The following DNM2 variants were observed in gnomAD, a reference collection of about 807,000 sequenced individuals.
DNM2 encodes the protein dynamin-2.
DNM2 carries 15 observed loss-of-function variants against 99.0 expected under a neutral mutation model. That is an observed-to-expected ratio of 0.15 (90% CI 0.10 to 0.23). The LOEUF is 0.23. DNM2 is among the 10% of genes least tolerant of loss of function. DNM2 has a pLI of 1.00. For synonymous variants in DNM2, 525 were observed against 481.2 expected (o/e 1.09, Z -1.19); for missense variants, 742 against 1,189.4 (o/e 0.62, Z 5.53).
intron 1 of DNM2, among the ~76,000 whole-genome samples, chr19:10,757,961 A>G (rs1019317828): frequency 2.7e-4 from 41 of 151,314 alleles, no homozygotes; most frequent in East Asian, 1.7e-3. Context: ...AAAAAAAAAA[A>G]AAAAGAAAAA....
At chr19:10,754,374 T>G (rs2070311531) in intron 1 of DNM2, among the ~76,000 whole-genome samples, 1 of 150,884 alleles carries the variant, frequency 6.6e-6, no homozygotes, top group Non-Finnish European at 1.5e-5. Flanking sequence ...TGCCTCAGCC[T>G]CCTGAGTAGC....
intron 1 of DNM2, among the ~76,000 whole-genome samples, chr19:10,718,919 C>CA (rs1272351196): frequency 6.6e-6 from 1 of 152,178 alleles, no homozygotes; most frequent in African/African-American, 2.4e-5. Flanking sequence ...TGTCCAGTCC[C>CA]ACCTGGCAGC....
rs757281551 is a variant in DNM2 at position 10,831,006 on chromosome 19, C to T, written c.2572C>T (p.Pro858Ser). The T allele has an allele frequency of 3.1e-6, 5 of 1,611,762 alleles. No individual in the cohort carries two copies. The highest frequency in any genetic ancestry group is 4.2e-6 in the Non-Finnish European group (5 of 1,179,142). ...SRRPPAAPSR[P>S]TIIRPAEPSL... ...AAGACCCCCTGCTGCGCCCAGCCGG[C>T]CCACCATTATCCGCCCAGCCGAGCC... Residue 858 changes from proline (P) to serine (S), a missense_variant, in exon 21 of 21, where the codon CCC becomes TCC. Physicochemically the swap from Pro to Ser is moderately conservative, Grantham distance 74 (BLOSUM62 -1). Transcript: ENST00000389253. The surrounding 1 kb of genome is among the most constrained non-coding windows in gnomAD (Gnocchi z 4.3).
intron 2 of DNM2, among the ~76,000 whole-genome samples, chr19:10,761,304 AGACTTT>A (rs1457052120): frequency 6.6e-6 from 1 of 152,052 alleles, no homozygotes; most frequent in Non-Finnish European, 1.5e-5. Flanking sequence ...CTTTTTAATC[AGACTTT>A]GACTCTTAGG....
In DNM2 at chr19:10,818,501, A is replaced by G. The variant is rs1008822003; in HGVS notation, c.1672-1479A>G. Among the ~76,000 whole-genome samples, 1 of 152,194 alleles carries G rather than the reference A, an allele frequency of 6.6e-6. No homozygotes were observed. Among genetic ancestry groups the G allele is most frequent in the Non-Finnish European group, 1.5e-5 (1 of 68,038 alleles). On this transcript the variant is annotated intron_variant, in intron 15 of 20. Transcript: ENST00000389253. The surrounding 1 kb of genome is among the most constrained non-coding windows in gnomAD (Gnocchi z 4.3). The stretch of plus-strand genomic sequence containing the variant: ...CTTGCCCGAGGGCACACGGCCAGGA[A>G]AGGGCAGGGCTGGCATCACCTCAAC...
At chr19:10,722,753 A>C (rs922007849) in intron 1 of DNM2, among the ~76,000 whole-genome samples, 1 of 141,094 alleles carries the variant, frequency 7.1e-6, no homozygotes, top group Non-Finnish European at 1.5e-5. Context: ...TCAGCCTCCT[A>C]AGTAGCTGGG....
At chr19:10,826,999 C>T (rs959394954) in intron 18 of DNM2, among the ~76,000 whole-genome samples, 2 of 152,082 alleles carry the variant, frequency 1.3e-5, no homozygotes, top group African/African-American at 4.8e-5. Flanking sequence ...ATCTGTACTC[C>T]CAGCACTTTG....
chr19:10,798,545 G>A lies in DNM2; in HGVS notation c.1395G>A (p.Arg465=). 1 of 1,614,212 alleles carries A rather than the reference G, an allele frequency of 6.2e-7. No individual in the cohort carries two copies. Among genetic ancestry groups the A allele is most frequent in the Non-Finnish European group, 8.5e-7 (1 of 1,180,044 alleles). ...ETERIVTTYI[R]EREGRTKDQI... ...AGCGAATCGTCACCACTTACATCCG[G>A]GAACGGGAGGGGAGAACGAAGGACC... is the stretch of plus-strand genomic sequence containing the variant. The change falls in exon 11 of 21, where the codon CGG becomes CGA. Residue 465 remains arginine (R), a synonymous_variant. Coordinates refer to ENST00000389253, the MANE Select transcript of DNM2 (RefSeq NM_001005361.3).
chr19:10,796,255 T>G lies in DNM2; in HGVS notation c.1196+816T>G, dbSNP rs1599570325. On this transcript the variant is annotated intron_variant, in intron 9 of 20. Coordinates refer to ENST00000389253, the MANE Select transcript of DNM2 (RefSeq NM_001005361.3). The surrounding 1 kb of genome is among the most constrained non-coding windows in gnomAD (Gnocchi z 5.6). ...CCTTGTGGAAACGGGGGTACGGGGG[T>G]TTGGTATCAGGCTCCCAGCGCCTCA... The G allele has an allele frequency of 6.2e-7, 1 of 1,611,720 alleles. No homozygotes were observed. Among genetic ancestry groups the G allele is most frequent in the African/African-American group, 1.3e-5 (1 of 74,714 alleles).
Position 10,796,011 on chromosome 19 carries a change from T to C in DNM2, c.1196+572T>C, listed in dbSNP as rs1246758684. On this transcript the variant is annotated intron_variant, in intron 9 of 20. Transcript: ENST00000389253. This position sits in a 1 kb window ranked among gnomAD's most constrained non-coding sequence, Gnocchi z 5.6. ...GGCCAATGAAATTGCTGACCATGCT[T>C]TGTTTCTCTCTGACTTATCTCCCCT... is the stretch of plus-strand genomic sequence containing the variant. The C allele has an allele frequency of 6.2e-7, 1 of 1,611,616 alleles. No homozygotes were observed. The highest frequency in any genetic ancestry group is 8.5e-7 in the Non-Finnish European group (1 of 1,179,930).
chr19:10,760,275 A>G (rs1352046628), intron 2 of DNM2, among the ~76,000 whole-genome samples: 1 of 150,764 alleles, frequency 6.6e-6, no homozygotes, highest in Admixed American at 6.6e-5. Context: ...TCCTGACCTC[A>G]AGTGACCCTC....
chr19:10,761,125 A>G (rs2070616191), intron 2 of DNM2, among the ~76,000 whole-genome samples: 1 of 151,866 alleles, frequency 6.6e-6, no homozygotes, highest in African/African-American at 2.4e-5. Flanking sequence ...AGTTGCTGGG[A>G]CTACAGGTGT....
At position 10,795,643 on chromosome 19, in the gene DNM2, G is replaced by C. The variant is rs912352083; in HGVS notation, c.1196+204G>C. On this transcript the variant is annotated intron_variant, in intron 9 of 20. Coordinates refer to ENST00000389253, the MANE Select transcript of DNM2 (RefSeq NM_001005361.3). The surrounding 1 kb of genome is among the most constrained non-coding windows in gnomAD (Gnocchi z 4.2). ...TGTCTTAGTCCTGCGTCCATTGCAG[G>C]CTTCAGGGCTGTCTGCAGCTCCTGA... 3 of 622,184 alleles carry C rather than the reference G, an allele frequency of 4.8e-6. No homozygotes were observed. Among genetic ancestry groups the C allele is most frequent in the Non-Finnish European group, 8.6e-6 (3 of 350,638 alleles). 38.5% of individuals were successfully genotyped at this position (622,184 alleles called of 1,614,324 possible).
intron 1 of DNM2, among the ~76,000 whole-genome samples, chr19:10,742,913 C>CTT (rs61431112): frequency 1.1e-4 from 15 of 133,788 alleles, no homozygotes; most frequent in Non-Finnish European, 1.6e-4. Context: ...GTTTTTCTTT[C>CTT]TTTTTTTTTT....
intron 1 of DNM2, among the ~76,000 whole-genome samples, chr19:10,725,099 A>G (rs1421576606): frequency 1.3e-5 from 2 of 152,204 alleles, no homozygotes; most frequent in East Asian, 3.8e-4. Context: ...CTTGGAAATG[A>G]CATCTTCTGT....
At chr19:10,774,415 A>G (rs547527176) in intron 3 of DNM2, among the ~76,000 whole-genome samples, 23 of 152,368 alleles carry the variant, frequency 1.5e-4, no homozygotes, top group African/African-American at 5.1e-4. Flanking sequence ...AATTGTTAGC[A>G]TAACATAAAA....
chr19:10,795,571 C>T lies in DNM2; in HGVS notation c.1196+132C>T. On this transcript the variant is annotated intron_variant, in intron 9 of 20. Coordinates refer to ENST00000389253, the MANE Select transcript of DNM2 (RefSeq NM_001005361.3). This position sits in a 1 kb window ranked among gnomAD's most constrained non-coding sequence, Gnocchi z 4.2. The stretch of plus-strand genomic sequence containing the variant: ...AGGGCTCTTGGATGGTTTTCTGTAG[C>T]TGCGAGCCCCTCCCTGAGGGTCTCC... 9.8e-7 allele frequency: 1 copy of T among 1,016,296 alleles called. No individual in the cohort carries two copies. The highest frequency in any genetic ancestry group is 1.3e-5 in the South Asian group (1 of 75,620). The allele number at this position is 1,016,296 out of a possible 1,614,324, so 63.0% of individuals were successfully genotyped here.
intron 5 of DNM2, among the ~76,000 whole-genome samples, chr19:10,780,593 C>T (rs1236672476): frequency 6.6e-6 from 1 of 152,162 alleles, no homozygotes; most frequent in Non-Finnish European, 1.5e-5. Flanking sequence ...CCACTGGACC[C>T]TTTTTCCTGG....
intron 18 of DNM2, among the ~76,000 whole-genome samples, chr19:10,827,369 G>C (rs1415412368): frequency 6.6e-6 from 1 of 152,070 alleles, no homozygotes; most frequent in East Asian, 1.9e-4. Context: ...AGCAGCCAAA[G>C]ATGGGACATA....
Sources: allele counts gnomAD v4.1 joint callset (sites outside exome capture counted in the v4.1 genomes callset), GRCh38; gene constraint gnomAD v4.1.1; non-coding constraint Gnocchi (gnomAD v3.1); transcripts MANE v1.5; gene names NCBI Gene and HGNC (gene_info 2026-07-23, HGNC 2026-07-21).